RPS6KC1: variants seen among roughly 807,000 people sequenced by gnomAD.
RPS6KC1 encodes ribosomal protein S6 kinase C1.
RPS6KC1 carries 54 observed loss-of-function variants against 103.8 expected under a neutral mutation model. The ratio of observed to expected loss-of-function variants is 0.52; its 90% CI spans 0.42 to 0.65. The LOEUF is 0.65. Ranked by LOEUF, RPS6KC1 falls within the 30% of genes least tolerant of loss-of-function variation. The pLI is 0.00. For missense variants in RPS6KC1, 1,151 were observed against 1,253.8 expected (o/e 0.92, Z 1.24); for synonymous variants, 439 against 438.7 (o/e 1.00, Z -0.01).
At chr1:213,645,667 T>C in the RPS6KC1 span, among the ~76,000 whole-genome samples, 1 of 152,180 alleles carries the variant, frequency 6.6e-6, no homozygotes, top group African/African-American at 2.4e-5. Flanking sequence ...CTCAGGTTCA[T>C]GGCAATAGCT....
chr1:213,585,024 T>TG, the RPS6KC1 span, among the ~76,000 whole-genome samples: 1 of 152,222 alleles, frequency 6.6e-6, no homozygotes, highest in South Asian at 2.1e-4. Flanking sequence ...GACCTGAACT[T>TG]GAACTTCAGC....
chr1:213,241,145 G>A lies in RPS6KC1; in HGVS notation c.1669G>A (p.Asp557Asn). The A allele has an allele frequency of 6.2e-7, 1 of 1,613,840 alleles. No homozygotes were observed. Residue 557 changes from aspartate to asparagine, a missense_variant, in exon 11 of 15, where the codon GAC becomes AAC. Asp to Asn is a conservative substitution (Grantham distance 23, BLOSUM62 1). This residue lies in a region of RPS6KC1 where 959 missense variants were observed against 1,006.3 expected (regional missense o/e 0.95). Transcript: ENST00000366960. ...IKSFPAHLAA[D>N]SDSPSTQLRA... ...AAGCTTCCCAGCACACCTTGCTGCT[G>A]ACAGTGACAGCCCCAGCACACAGCT...
the RPS6KC1 span, among the ~76,000 whole-genome samples, chr1:213,727,473 A>G: frequency 8.5e-5 from 13 of 152,230 alleles, no homozygotes; most frequent in Admixed American, 2.0e-4. Context: ...AGTAAAGCAA[A>G]GCAAGACAAT....
At chr1:213,064,646 G>C (rs1234967139) in intron 1 of RPS6KC1, among the ~76,000 whole-genome samples, 1 of 150,502 alleles carries the variant, frequency 6.6e-6, no homozygotes, top group Non-Finnish European at 1.5e-5. Flanking sequence ...GAGATTACAG[G>C]TGTGAGCCAC....
chr1:213,326,242 G>A, the RPS6KC1 span, among the ~76,000 whole-genome samples: 1 of 151,878 alleles, frequency 6.6e-6, no homozygotes. Flanking sequence ...AGCAGTCAAA[G>A]GCAATCAAAT....
chr1:213,232,986 T>A (rs1261226115), intron 10 of RPS6KC1, among the ~76,000 whole-genome samples: 1 of 152,168 alleles, frequency 6.6e-6, no homozygotes, highest in Non-Finnish European at 1.5e-5. Context: ...TAGTAAAAAA[T>A]TTTTAAATTG....
chr1:213,422,395 C>G, the RPS6KC1 span, among the ~76,000 whole-genome samples: 1 of 152,186 alleles, frequency 6.6e-6, no homozygotes, highest in Non-Finnish European at 1.5e-5. Flanking sequence ...ATTCACTCAT[C>G]TGTCAATGAA....
chr1:213,597,862 G>T, the RPS6KC1 span, among the ~76,000 whole-genome samples: 1 of 152,186 alleles, frequency 6.6e-6, no homozygotes, highest in East Asian at 1.9e-4. Context: ...GGCAGAGCAG[G>T]ACTAGGGTCA....
chr1:213,263,387 A>G (rs571057777), intron 14 of RPS6KC1, among the ~76,000 whole-genome samples: 1 of 152,292 alleles, frequency 6.6e-6, no homozygotes, highest in East Asian at 1.9e-4. Context: ...AACTCCAGTG[A>G]ACTTCTTAGA....
intron 3 of RPS6KC1, among the ~76,000 whole-genome samples, chr1:213,100,052 G>A (rs1287716842): frequency 6.6e-6 from 1 of 152,164 alleles, no homozygotes; most frequent in East Asian, 1.9e-4. Context: ...CTTTCCAAAA[G>A]TGCTTGTATA....
At chr1:213,218,243 C>G (rs2093723298) in intron 8 of RPS6KC1, among the ~76,000 whole-genome samples, 1 of 151,962 alleles carries the variant, frequency 6.6e-6, no homozygotes, top group East Asian at 1.9e-4. Flanking sequence ...GACGGAGAGC[C>G]AAATCATGAG....
chr1:213,218,876 T>C (rs1423534414), intron 8 of RPS6KC1, among the ~76,000 whole-genome samples: 1 of 152,190 alleles, frequency 6.6e-6, no homozygotes, highest in Admixed American at 6.5e-5. Context: ...TAAATTTGGA[T>C]TGAAGACTTA....
At chr1:213,168,246 T>A (rs1385274787) in intron 7 of RPS6KC1, among the ~76,000 whole-genome samples, 1 of 152,246 alleles carries the variant, frequency 6.6e-6, no homozygotes, top group African/African-American at 2.4e-5. Context: ...TATACTGTTA[T>A]GATATCTATT....
the RPS6KC1 span, among the ~76,000 whole-genome samples, chr1:213,341,101 G>A: frequency 6.6e-6 from 1 of 152,166 alleles, no homozygotes; most frequent in South Asian, 2.1e-4. Flanking sequence ...ACCATCAAAT[G>A]CCATCCTGTG....
the RPS6KC1 span, among the ~76,000 whole-genome samples, chr1:213,488,924 G>A: frequency 1.1e-3 from 169 of 152,312 alleles, no homozygotes; most frequent in African/African-American, 3.6e-3. Context: ...GTATCTTTTG[G>A]TGATTCATAT....
chr1:213,480,965 T>A, the RPS6KC1 span, among the ~76,000 whole-genome samples: 1 of 152,192 alleles, frequency 6.6e-6, no homozygotes, highest in Non-Finnish European at 1.5e-5. Context: ...AACGCATTTA[T>A]GAGACAGATC....
At chr1:213,105,717 T>A (rs1018716261) in intron 4 of RPS6KC1, among the ~76,000 whole-genome samples, 4 of 152,224 alleles carry the variant, frequency 2.6e-5, no homozygotes, top group Non-Finnish European at 5.9e-5. Context: ...TAGGCTGAGA[T>A]AATAAATGTG....
chr1:213,217,608 A>C (rs2093701766), intron 8 of RPS6KC1, among the ~76,000 whole-genome samples: 1 of 152,250 alleles, frequency 6.6e-6, no homozygotes, highest in Non-Finnish European at 1.5e-5. Context: ...ATGAACATCG[A>C]TGCAAAAATC....
chr1:213,766,789 T>G, the RPS6KC1 span, among the ~76,000 whole-genome samples: 1 of 152,276 alleles, frequency 6.6e-6, no homozygotes, highest in South Asian at 2.1e-4. Flanking sequence ...TAACTGGCTC[T>G]ATCTCATTAT....
Sources: gnomAD v4.1 joint callset for allele counts (sites outside exome capture counted in the v4.1 genomes callset) on GRCh38, gnomAD v4.1.1 for gene constraint, gnomAD v4.1.1 regional missense constraint, MANE v1.5 for transcripts, NCBI Gene and HGNC (gene_info 2026-07-23, HGNC 2026-07-21) for gene names.